Variants in UBL3 observed in about 807,000 individuals in gnomAD.
UBL3 encodes ubiquitin-like protein 3.
Under a neutral mutation model 18.4 loss-of-function variants are expected in UBL3, and 6 were observed. The ratio of observed to expected loss-of-function variants is 0.33; its 90% CI spans 0.18 to 0.64. The LOEUF (loss-of-function observed/expected upper bound fraction) is 0.64, where lower values mean the gene tolerates loss of function less well. Among genes scored for constraint, UBL3 ranks in the 30% least tolerant of loss-of-function variants. The pLI is 0.76. For synonymous variants in UBL3, 49 were observed against 46.6 expected (o/e 1.05, Z -0.21); for missense variants, 109 against 142.9 (o/e 0.76, Z 1.21).
intron 3 of UBL3, among the ~76,000 whole-genome samples, chr13:29,769,268 C>T (rs1876773564): frequency 6.6e-6 from 1 of 152,054 alleles, no homozygotes; most frequent in South Asian, 2.1e-4. Context: ...TCCTGAGAGG[C>T]TTACCATTTG....
At position 29,765,006 on chromosome 13, in the gene UBL3, C is replaced by T. The variant is rs755329858; in HGVS notation, c.*2249G>A. The T allele has an allele frequency of 6.6e-6, 1 of 151,770 alleles. No homozygotes were observed. Among genetic ancestry groups the T allele is most frequent in the Non-Finnish European group, 1.5e-5 (1 of 67,964 alleles). 9.4% of individuals were successfully genotyped at this position (151,770 alleles called of 1,614,324 possible). A position where few individuals can be genotyped will look rare whatever the true frequency, so the allele number is the denominator to read the frequency against. On this transcript the variant is annotated 3_prime_UTR_variant, in exon 5 of 5. Coordinates refer to ENST00000380680, the MANE Select transcript of UBL3 (RefSeq NM_007106.4). ...TTTTATTCTTTTTTTTCATATTGTACAACTATGATATTAGGTATTAAGCGA... is the reference window on the plus strand; with the variant it reads ...TTTTATTCTTTTTTTTCATATTGTATAACTATGATATTAGGTATTAAGCGA...
intron 1 of UBL3, among the ~76,000 whole-genome samples, chr13:29,804,626 C>T (rs1352008432): frequency 6.6e-6 from 1 of 151,996 alleles, no homozygotes; most frequent in African/African-American, 2.4e-5. Flanking sequence ...TCACCACTGA[C>T]CCCACAGTAA....
chr13:29,807,852 G>C (rs916961910), intron 1 of UBL3, among the ~76,000 whole-genome samples: 7 of 152,096 alleles, frequency 4.6e-5, no homozygotes, highest in African/African-American at 1.7e-4. Flanking sequence ...ATCTTTGGGA[G>C]GTAACAATAT....
At chr13:29,780,687 T>TATAA in intron 1 of UBL3, among the ~76,000 whole-genome samples, 1 of 152,000 alleles carries the variant, frequency 6.6e-6, no homozygotes, top group South Asian at 2.1e-4. Context: ...TGAGAAAAGG[T>TATAA]ATAACTAAGA....
At position 29,849,748 on chromosome 13, in the gene UBL3, A is replaced by C. The variant is rs994691767; in HGVS notation, c.-210T>G. On this transcript the variant is annotated 5_prime_UTR_variant, in exon 1 of 5. Transcript: ENST00000380680. ...CAATCCCCAGGAGCTGTGTGGCCGG[A>C]GCAGGAGGAAACTCCCGGGACAGCA... The C allele has an allele frequency of 9.3e-6, 6 of 641,836 alleles. No homozygotes were observed. The Admixed American group carries it at 1.7e-4, about 18-fold the overall frequency. The allele number at this position is 641,836 out of a possible 1,614,324, so 39.8% of individuals were successfully genotyped here. A position where few individuals can be genotyped will look rare whatever the true frequency, so the allele number is the denominator to read the frequency against.
intron 1 of UBL3, among the ~76,000 whole-genome samples, chr13:29,837,433 T>A (rs1182585724): frequency 1.3e-5 from 2 of 151,780 alleles, no homozygotes; most frequent in East Asian, 3.9e-4. Flanking sequence ...AAAATACAAG[T>A]GAACATGAAG....
At chr13:29,812,022 T>C (rs1878101952) in intron 1 of UBL3, among the ~76,000 whole-genome samples, 1 of 152,040 alleles carries the variant, frequency 6.6e-6, no homozygotes, top group Non-Finnish European at 1.5e-5. Context: ...GTTGAACTCG[T>C]ACTAATGTTC....
At chr13:29,827,770 A>G (rs1878661503) in intron 1 of UBL3, among the ~76,000 whole-genome samples, 1 of 152,178 alleles carries the variant, frequency 6.6e-6, no homozygotes, top group Non-Finnish European at 1.5e-5. Context: ...GTTTCTTCCT[A>G]GCATTGATGG....
chr13:29,775,211 T>C (rs1348214896), intron 2 of UBL3, among the ~76,000 whole-genome samples: 1 of 152,188 alleles, frequency 6.6e-6, no homozygotes, highest in Non-Finnish European at 1.5e-5. Flanking sequence ...GGTTTCAGAG[T>C]TATATTTGCA....
rs557385207 is a variant in UBL3, at chr13:29,849,400, A to G, written c.27+112T>C. ...CCAACTTCTCCAAATCGCTCAGCAC[A>G]GTGGCTTTTCGACAGTCCCCAGCAA... On this transcript the variant is annotated intron_variant, in intron 1 of 4. Transcript: ENST00000380680. 239 of 1,451,682 alleles carry G rather than the reference A, an allele frequency of 1.6e-4. 2 individuals are homozygous for G. The East Asian group carries it at 4.9e-3, about 30-fold the overall frequency. The allele number at this position is 1,451,682 out of a possible 1,614,324, so 89.9% of individuals were successfully genotyped here.
intron 1 of UBL3, among the ~76,000 whole-genome samples, chr13:29,846,379 C>G (rs1879228802): frequency 6.6e-6 from 1 of 151,908 alleles, no homozygotes; most frequent in Non-Finnish European, 1.5e-5. Context: ...GTAAAAGTAC[C>G]AACTACAAAT....
At chr13:29,829,410 C>T (rs900193087) in intron 1 of UBL3, among the ~76,000 whole-genome samples, 5 of 151,664 alleles carry the variant, frequency 3.3e-5, no homozygotes, top group Admixed American at 1.3e-4. Flanking sequence ...CCCCCAGCCT[C>T]GCTGCTGCCT....
chr13:29,794,351 T>TAC (rs34035390), intron 1 of UBL3, among the ~76,000 whole-genome samples: 54,731 of 149,814 alleles, frequency 0.37, 10,183 homozygotes, highest in East Asian at 0.58. Flanking sequence ...TTACTAACAC[T>TAC]ACACACACAC....
At chr13:29,807,384 A>C (rs1345002816) in intron 1 of UBL3, among the ~76,000 whole-genome samples, 2 of 152,160 alleles carry the variant, frequency 1.3e-5, no homozygotes, top group African/African-American at 4.8e-5. Flanking sequence ...GCTGCATAAG[A>C]ATCGAGACTG....
rs1399177017 is a variant in UBL3 at position 29,765,142 on chromosome 13, G to A, written c.*2113C>T. 6.6e-6 allele frequency: 1 copy of A among 151,724 alleles called. No individual in the cohort carries two copies. The highest frequency in any genetic ancestry group is 1.5e-5 in the Non-Finnish European group (1 of 67,926). 9.4% of individuals were successfully genotyped at this position (151,724 alleles called of 1,614,324 possible). ...AAAAATATATTGAAAAACCAATAGAGAATTATTTTTAACCATCATAAAAAC... is the reference window on the plus strand; with the variant it reads ...AAAAATATATTGAAAAACCAATAGAAAATTATTTTTAACCATCATAAAAAC... On this transcript the variant is annotated 3_prime_UTR_variant, in exon 5 of 5. Transcript: ENST00000380680.
intron 1 of UBL3, among the ~76,000 whole-genome samples, chr13:29,795,851 G>C (rs1415190331): frequency 6.6e-6 from 1 of 151,596 alleles, no homozygotes; most frequent in Non-Finnish European, 1.5e-5. Context: ...AGGATCACTG[G>C]AGCCCAGAAG....
Position 29,850,414 on chromosome 13 carries a change from G to T in UBL3, c.-876C>A, listed in dbSNP as rs1246043134. The T allele has an allele frequency of 6.5e-6, 1 of 153,332 alleles. No homozygotes were observed. Among genetic ancestry groups the T allele is most frequent in the Non-Finnish European group, 1.5e-5 (1 of 68,330 alleles). The allele number at this position is 153,332 out of a possible 1,614,324, so 9.5% of individuals were successfully genotyped here. The stretch of plus-strand genomic sequence containing the variant: ...TCCCCTCCCCTCCCCGGCCTCGCGA[G>T]CTCCGGGCGACGCCGACTTCGGCTG... On this transcript the variant is annotated 5_prime_UTR_variant, in exon 1 of 5. Coordinates refer to ENST00000380680, the MANE Select transcript of UBL3 (RefSeq NM_007106.4).
intron 1 of UBL3, among the ~76,000 whole-genome samples, chr13:29,788,536 T>C (rs1167485247): frequency 6.6e-6 from 1 of 152,190 alleles, no homozygotes; most frequent in Non-Finnish European, 1.5e-5. Context: ...CAAAACACCC[T>C]CTCAAGACTC....
intron 1 of UBL3, among the ~76,000 whole-genome samples, chr13:29,827,022 T>C (rs1336407577): frequency 8.5e-5 from 13 of 152,240 alleles, no homozygotes; most frequent in Admixed American, 2.0e-4. Context: ...TCCTGAGTTC[T>C]AGTTTGATTG....
Sources: gnomAD v4.1 joint callset for allele counts (sites outside exome capture counted in the v4.1 genomes callset) on GRCh38, gnomAD v4.1.1 for gene constraint, MANE v1.5 for transcripts, NCBI Gene and HGNC (gene_info 2026-07-23, HGNC 2026-07-21) for gene names.